PARD3: variants seen among roughly 807,000 people sequenced by gnomAD.
The protein encoded by PARD3 is partitioning defective 3 homolog.
Under a neutral mutation model 155.4 loss-of-function variants are expected in PARD3, and 75 were observed. The observed-to-expected ratio is 0.48, with a 90% CI of 0.40 to 0.58. The LOEUF is 0.58. PARD3 is among the 20% of genes least tolerant of loss of function. The probability of loss-of-function intolerance (pLI) is 0.00; values close to 1 mark genes in which losing one functional copy is unlikely to be tolerated. For missense variants in PARD3, 1,642 were observed against 1,721.7 expected (o/e 0.95, Z 0.82); for synonymous variants, 576 against 610.5 (o/e 0.94, Z 0.83).
At position 34,341,652 on chromosome 10, in the gene PARD3, C is replaced by A; in HGVS notation, c.2383G>T (p.Ala795Ser). Residue 795 changes from alanine (A) to serine (S), a missense_variant, in exon 16 of 25, where the codon GCT becomes TCT. Physicochemically the swap from Ala to Ser is moderately conservative, Grantham distance 99. Around this residue, in one of 3 missense-constraint regions of PARD3, gnomAD observed 1,529 missense variants for 1,587.3 expected, o/e 0.96. Transcript: ENST00000374788. ...CAGTCGGCTGAATCACTGATTGCAG[C>A]CTTGGCCCAAGTACCAGCATCTGCC... Reference protein sequence around the residue: ...VTADAGTWAKAAISDSADCSL... With the variant: ...VTADAGTWAKSAISDSADCSL... The A allele has an allele frequency of 6.2e-7, 1 of 1,613,278 alleles. No individual in the cohort carries two copies. The highest frequency in any genetic ancestry group is 2.2e-5 in the East Asian group (1 of 44,834).
At chr10:34,426,418 C>T (rs1774747) in intron 5 of PARD3, among the ~76,000 whole-genome samples, 107,797 of 151,582 alleles carry the variant, frequency 0.71, 39,029 homozygotes, top group African/African-American at 0.85. Flanking sequence ...TGGCTTACTT[C>T]ACGCTAAAAT....
At chr10:34,290,742 TTGTACAGCCA>T (rs1956638183) in intron 20 of PARD3, among the ~76,000 whole-genome samples, 2 of 152,218 alleles carry the variant, frequency 1.3e-5, no homozygotes, top group Non-Finnish European at 2.9e-5. Flanking sequence ...GACCATGTGT[TTGTACAGCCA>T]TTGCATAACC....
intron 22 of PARD3, among the ~76,000 whole-genome samples, chr10:34,194,793 GTTAAATAC>G (rs1380745407): frequency 6.6e-6 from 1 of 152,066 alleles, no homozygotes; most frequent in East Asian, 1.9e-4. Flanking sequence ...GATAGTTATA[GTTAAATAC>G]TTAACAGTTT....
chr10:34,715,381 G>A (rs1475657226), intron 1 of PARD3, among the ~76,000 whole-genome samples: 1 of 152,082 alleles, frequency 6.6e-6, no homozygotes, highest in Non-Finnish European at 1.5e-5. Context: ...CAACTTTGAG[G>A]AAAGAATATG....
chr10:34,344,512 C>T (rs1289595781), intron 15 of PARD3: 2 of 805,168 alleles, frequency 2.5e-6, no homozygotes, highest in Admixed American at 1.2e-4. Flanking sequence ...AAACTCCTGA[C>T]CTCAGTTGAT....
intron 2 of PARD3, among the ~76,000 whole-genome samples, chr10:34,605,643 ATATATATATATCTCC>A (rs1450264483): frequency 1.5e-4 from 8 of 54,704 alleles, no homozygotes; most frequent in East Asian, 6.4e-4. Context: ...TATATCTCCT[ATATATATATATCTCC>A]TATATATATA....
intron 20 of PARD3, among the ~76,000 whole-genome samples, chr10:34,304,026 G>A (rs1190294535): frequency 6.6e-6 from 1 of 152,140 alleles, no homozygotes; most frequent in East Asian, 1.9e-4. Flanking sequence ...GCAGCACAGA[G>A]CCACCTAGAA....
Position 34,269,662 on chromosome 10 carries a change from T to C in PARD3, c.3414A>G (p.Val1138=), listed in dbSNP as rs758199950. 3 of 1,614,018 alleles carry C rather than the reference T, an allele frequency of 1.9e-6. No individual in the cohort carries two copies. Among genetic ancestry groups the C allele is most frequent in the Non-Finnish European group, 2.5e-6 (3 of 1,179,940 alleles). The change falls in exon 22 of 25, where the codon GTA becomes GTG. Residue 1138 remains valine (V), a synonymous_variant. Coordinates refer to ENST00000374788, the MANE Select transcript of PARD3 (RefSeq NM_001184785.2). The stretch of plus-strand genomic sequence containing the variant: ...CGATTGCCCCTGGCGCCTACCTGTC[T>C]ACAGGTGAGGGTTTGGAATTCCGCG... The part of the protein sequence containing the change: ...KKPRNSKPSP[V]DSNRSTPSNH...
At chr10:34,415,741 A>T (rs1341516090) in intron 5 of PARD3, among the ~76,000 whole-genome samples, 2 of 152,176 alleles carry the variant, frequency 1.3e-5, no homozygotes, top group Non-Finnish European at 2.9e-5. Flanking sequence ...TGCAGTGTAT[A>T]GGTGGCATTG....
At chr10:34,458,102 TAAG>T (rs1260107537) in intron 4 of PARD3, among the ~76,000 whole-genome samples, 1 of 152,364 alleles carries the variant, frequency 6.6e-6, no homozygotes, top group African/African-American at 2.4e-5. Flanking sequence ...GTTGGTTCAC[TAAG>T]AAATACTATA....
chr10:34,504,086 G>A (rs1194671298), intron 3 of PARD3, among the ~76,000 whole-genome samples: 1 of 151,970 alleles, frequency 6.6e-6, no homozygotes, highest in Non-Finnish European at 1.5e-5. Flanking sequence ...CATGCTCACT[G>A]CACTTCCACA....
chr10:34,211,642 T>C (rs1588776867), intron 22 of PARD3, among the ~76,000 whole-genome samples: 1 of 151,960 alleles, frequency 6.6e-6, no homozygotes, highest in Admixed American at 6.6e-5. Flanking sequence ...TAGCTGAGCA[T>C]GGTGGTGGGC....
At chr10:34,667,635 A>T (rs2093519148) in intron 2 of PARD3, among the ~76,000 whole-genome samples, 1 of 152,232 alleles carries the variant, frequency 6.6e-6, no homozygotes, top group Non-Finnish European at 1.5e-5. Context: ...TTGCTAGATG[A>T]TTCTAAGCAT....
intron 5 of PARD3, among the ~76,000 whole-genome samples, chr10:34,429,453 T>A (rs1589542027): frequency 6.6e-6 from 1 of 151,806 alleles, no homozygotes; most frequent in South Asian, 2.1e-4. Context: ...GGAGTACAAG[T>A]GGCATGATAA....
chr10:34,508,543 G>GAA (rs11443215), intron 3 of PARD3, among the ~76,000 whole-genome samples: 3 of 148,780 alleles, frequency 2.0e-5, no homozygotes, highest in African/African-American at 7.4e-5. Context: ...GGAACTGAAG[G>GAA]AAAAAAAAAA....
At chr10:34,670,561 C>T (rs2093592275) in intron 2 of PARD3, among the ~76,000 whole-genome samples, 1 of 152,220 alleles carries the variant, frequency 6.6e-6, no homozygotes, top group Admixed American at 6.5e-5. Context: ...GCCCCAACCC[C>T]ATCCCACTAC....
chr10:34,707,024 T>C (rs2094373997), intron 1 of PARD3, among the ~76,000 whole-genome samples: 1 of 151,938 alleles, frequency 6.6e-6, no homozygotes, highest in African/African-American at 2.4e-5. Context: ...GGTGGTCAGA[T>C]CACTTGAGGT....
At chr10:34,784,374 T>C (rs1840677280) in intron 1 of PARD3, among the ~76,000 whole-genome samples, 1 of 151,884 alleles carries the variant, frequency 6.6e-6, no homozygotes, top group South Asian at 2.1e-4. Context: ...CATTCCCCAA[T>C]GAAGATGTGA....
intron 1 of PARD3, among the ~76,000 whole-genome samples, chr10:34,778,954 A>G (rs1839919374): frequency 6.6e-6 from 1 of 152,248 alleles, no homozygotes; most frequent in Non-Finnish European, 1.5e-5. Flanking sequence ...AGCATCCTTC[A>G]GCATACATAG....
Sources: gnomAD v4.1 joint callset for allele counts (sites outside exome capture counted in the v4.1 genomes callset) on GRCh38, gnomAD v4.1.1 for gene constraint, gnomAD v4.1.1 regional missense constraint, MANE v1.5 for transcripts, NCBI Gene and HGNC (gene_info 2026-07-23, HGNC 2026-07-21) for gene names.